The following ACSF3 variants were observed in gnomAD, a reference collection of about 807,000 sequenced individuals.
The protein encoded by ACSF3 is malonate--CoA ligase ACSF3, mitochondrial.
A neutral mutation model predicts 53.2 loss-of-function variants in ACSF3; 78 were observed. The ratio of observed to expected loss-of-function variants is 1.47; its 90% CI spans 1.22 to 1.77. The LOEUF (loss-of-function observed/expected upper bound fraction) is 1.77, where lower values mean the gene tolerates loss of function less well. Among genes scored for constraint, ACSF3 ranks in the 40% most tolerant of loss-of-function variants. The pLI, the probability that ACSF3 is intolerant of heterozygous loss-of-function variation, is 0.00. For missense variants in ACSF3, 937 were observed against 771.1 expected, an observed-to-expected ratio of 1.22 and a Z score of -2.55; for synonymous variants, 414 against 333.1, an observed-to-expected ratio of 1.24 and a Z score of -2.65.
At chr16:89,110,067 T>C (rs2151438448) in intron 4 of ACSF3, among the ~76,000 whole-genome samples, 1 of 152,366 alleles carries the variant, frequency 6.6e-6, no homozygotes, top group East Asian at 1.9e-4. Flanking sequence ...CAACTGCAGC[T>C]TGTCTTTTTA....
chr16:89,117,314 T>C (rs1905292215), intron 6 of ACSF3, among the ~76,000 whole-genome samples: 1 of 152,236 alleles, frequency 6.6e-6, no homozygotes. Flanking sequence ...CCCATGAGCC[T>C]GCCCACGGTC....
chr16:89,129,761 T>A (rs1908895319), intron 7 of ACSF3, among the ~76,000 whole-genome samples: 1 of 152,248 alleles, frequency 6.6e-6, no homozygotes, highest in Non-Finnish European at 1.5e-5. Context: ...TTTTTGACCA[T>A]AAATGTCTTT....
intron 4 of ACSF3, among the ~76,000 whole-genome samples, chr16:89,105,865 A>G (rs1975916090): frequency 6.6e-6 from 1 of 152,172 alleles, no homozygotes; most frequent in Admixed American, 6.5e-5. Context: ...CCAAGTAAAG[A>G]GTGTGTTACC....
chr16:89,140,134 A>C (rs1911460955), intron 8 of ACSF3, among the ~76,000 whole-genome samples: 1 of 152,216 alleles, frequency 6.6e-6, no homozygotes, highest in Non-Finnish European at 1.5e-5. Flanking sequence ...AGAAGCCTCC[A>C]GTGTCCACGG....
Position 89,105,055 on chromosome 16 carries a change from G to T in ACSF3, c.822+2296G>T, listed in dbSNP as rs964882019. On this transcript the variant is annotated intron_variant, in intron 4 of 10. Transcript: ENST00000614302. ...CCTCCCTGAGGGCCCCGTCGCCAGG[G>T]TCACCTCCTGAAGAGCCTCCCTGAG... 5.5e-4 allele frequency among the ~76,000 whole-genome samples: 83 copies of T among 151,042 alleles called. 1 individual carries two copies. The highest frequency in any genetic ancestry group is 1.0e-4 in the Non-Finnish European group (7 of 67,508).
intron 6 of ACSF3, among the ~76,000 whole-genome samples, chr16:89,117,065 T>A (rs1334407229): frequency 6.6e-6 from 1 of 152,170 alleles, no homozygotes; most frequent in Non-Finnish European, 1.5e-5. Flanking sequence ...AAAGCCCGGC[T>A]CGCTGAGGCT....
chr16:89,123,370 T>C lies in ACSF3; in HGVS notation c.1239+2457T>C, dbSNP rs1245100450. On this transcript the variant is annotated intron_variant, in intron 7 of 10. Transcript: ENST00000614302. ...TGTGAAGGGACTCCCCACCCCACGC[T>C]CACACTCGCAGACGCACTTGGTACT... is the stretch of plus-strand genomic sequence containing the variant. 5.3e-5 allele frequency among the ~76,000 whole-genome samples: 8 copies of C among 152,282 alleles called. No individual in the cohort carries two copies. In the East Asian group the frequency reaches 1.4e-3, roughly 26 times the overall value.
chr16:89,093,859 G>A lies in ACSF3; in HGVS notation c.-331G>A, dbSNP rs1435824553. The stretch of plus-strand genomic sequence containing the variant: ...CGCCGCGCCGGGGAAGCTGTTGGGC[G>A]CCGGAACTGGTCCGGCCCGACTCAC... On this transcript the variant is annotated 5_prime_UTR_variant, in exon 1 of 11. Coordinates refer to ENST00000614302, the MANE Select transcript of ACSF3 (RefSeq NM_001243279.3). The A allele has an allele frequency of 1.1e-5, 3 of 274,762 alleles. No individual in the cohort carries two copies. The highest frequency in any genetic ancestry group is 1.6e-4 in the East Asian group (1 of 6,102). The allele number at this position is 274,762 out of a possible 1,614,324, so 17.0% of individuals were successfully genotyped here.
At chr16:89,137,572 C>T (rs1330137254) in intron 8 of ACSF3, among the ~76,000 whole-genome samples, 1 of 143,590 alleles carries the variant, frequency 7.0e-6, no homozygotes, top group Non-Finnish European at 1.5e-5. Context: ...CTCGGGAGGA[C>T]CACCAGGAGC....
At position 89,154,271 on chromosome 16, in the gene ACSF3, A is replaced by G. The variant is rs766453650; in HGVS notation, c.*64A>G. The G allele has an allele frequency of 4.0e-6, 6 of 1,504,330 alleles. No individual in the cohort carries two copies. The Middle Eastern group carries it at 5.1e-4, about 129-fold the overall frequency. 93.2% of individuals were successfully genotyped at this position (1,504,330 alleles called of 1,614,324 possible). A position where few individuals can be genotyped will look rare whatever the true frequency, so the allele number is the denominator to read the frequency against. On this transcript the variant is annotated 3_prime_UTR_variant, in exon 11 of 11. Coordinates refer to ENST00000614302, the MANE Select transcript of ACSF3 (RefSeq NM_001243279.3). ...AGACGTCCCCTTCACACCGAGAACC[A>G]CGGGGGCCCGTCCAAGACCTGGCCT...
At chr16:89,133,932 C>T (rs1330292329) in intron 8 of ACSF3, among the ~76,000 whole-genome samples, 1 of 152,212 alleles carries the variant, frequency 6.6e-6, no homozygotes, top group Non-Finnish European at 1.5e-5. Flanking sequence ...CACTGCCACC[C>T]TCCTGCTCTC....
At chr16:89,117,069 T>C (rs1023808946) in intron 6 of ACSF3, among the ~76,000 whole-genome samples, 2 of 152,196 alleles carry the variant, frequency 1.3e-5, no homozygotes, top group African/African-American at 4.8e-5. Context: ...CCCGGCTCGC[T>C]GAGGCTGCAG....
At chr16:89,146,228 G>C (rs1174395302) in intron 10 of ACSF3, among the ~76,000 whole-genome samples, 179 bp downstream of exon 10, 4 of 152,176 alleles carry the variant, frequency 2.6e-5, no homozygotes, top group Non-Finnish European at 4.4e-5. Flanking sequence ...ACGAGGGCAG[G>C]GGGCAGGAGC....
At chr16:89,136,763 A>G (rs1203957442) in intron 8 of ACSF3, 2 of 1,287,234 alleles carry the variant, frequency 1.6e-6, no homozygotes, top group Non-Finnish European at 2.0e-6. Flanking sequence ...CCTCAAGATC[A>G]CACAGCGGGC....
At chr16:89,141,930 CAG>C (rs1160590339) in intron 8 of ACSF3, among the ~76,000 whole-genome samples, 1 of 152,240 alleles carries the variant, frequency 6.6e-6, no homozygotes, top group Non-Finnish European at 1.5e-5. Context: ...GCGTCCATCA[CAG>C]AGACAGGTCT....
chr16:89,101,552 C>T (rs1190123277), intron 3 of ACSF3, among the ~76,000 whole-genome samples: 1 of 152,164 alleles, frequency 6.6e-6, no homozygotes, highest in Non-Finnish European at 1.5e-5. Flanking sequence ...GCTCTGGGAG[C>T]GTCCAGGTGT....
At chr16:89,140,441 G>C (rs2151546502) in intron 8 of ACSF3, among the ~76,000 whole-genome samples, 1 of 152,356 alleles carries the variant, frequency 6.6e-6, no homozygotes, top group Middle Eastern at 3.4e-3. Flanking sequence ...CATCGGCTTG[G>C]GCGGGGTCCT....
At chr16:89,099,409 G>GT (rs1198837561) in intron 2 of ACSF3, among the ~76,000 whole-genome samples, 1 of 152,210 alleles carries the variant, frequency 6.6e-6, no homozygotes, top group East Asian at 1.9e-4. Flanking sequence ...TTATTTAGTA[G>GT]TTAAGTTTTT....
chr16:89,119,737 C>T (rs914728357), intron 6 of ACSF3, among the ~76,000 whole-genome samples: 5 of 152,162 alleles, frequency 3.3e-5, no homozygotes, highest in African/African-American at 9.7e-5. Flanking sequence ...CACACTAGCC[C>T]GGCTTCGCCT....
Sources: gnomAD v4.1 joint callset for allele counts (sites outside exome capture counted in the v4.1 genomes callset) on GRCh38, gnomAD v4.1.1 for gene constraint, MANE v1.5 for transcripts, NCBI Gene and HGNC (gene_info 2026-07-23, HGNC 2026-07-21) for gene names.